The following PIGN variants were observed in gnomAD, a reference collection of about 807,000 sequenced individuals.
The protein encoded by PIGN is phosphatidylinositol glycan anchor biosynthesis class N, also known as GPI ethanolamine phosphate transferase 1.
Under a neutral mutation model 125.4 loss-of-function variants are expected in PIGN, and 117 were observed. The observed-to-expected ratio is 0.93, with a 90% CI of 0.80 to 1.09. PIGN has a LOEUF of 1.09. PIGN is among the 50% of genes least tolerant of loss of function. The probability of loss-of-function intolerance (pLI) is 0.00; values close to 1 mark genes in which losing one functional copy is unlikely to be tolerated. For missense variants in PIGN, 1,075 were observed against 1,094.9 expected, an observed-to-expected ratio of 0.98 and a Z score of 0.26; for synonymous variants, 392 against 377.8, an observed-to-expected ratio of 1.04 and a Z score of -0.44.
Position 62,148,326 on chromosome 18 carries a change from G to T in PIGN, c.562C>A (p.His188Asn), listed in dbSNP as rs773629540. Reference protein sequence around the residue: ...VFDNVKDFFHHARNNQSLFSK... With the variant: ...VFDNVKDFFHNARNNQSLFSK... Reference sequence around the variant, plus strand: ...AACAAAGACTGGTTGTTTCTGGCATGATGAAAGAAGTCCTACATATAACAA... The same window carrying T: ...AACAAAGACTGGTTGTTTCTGGCATTATGAAAGAAGTCCTACATATAACAA... The change falls in exon 8 of 31, where the codon CAT (histidine) becomes AAT (asparagine). Residue 188 changes from histidine to asparagine, a missense_variant. Physicochemically the swap from His to Asn is moderately conservative, Grantham distance 68 (BLOSUM62 1). Around this residue, in one of 3 missense-constraint regions of PIGN, gnomAD observed 915 missense variants for 908.7 expected, o/e 1.01. Coordinates refer to ENST00000640252, the MANE Select transcript of PIGN (RefSeq NM_176787.5). The T allele has an allele frequency of 6.6e-7, 1 of 1,513,328 alleles. No individual in the cohort carries two copies. Among genetic ancestry groups the T allele is most frequent in the Non-Finnish European group, 8.9e-7 (1 of 1,125,072 alleles). 93.7% of individuals were successfully genotyped at this position (1,513,328 alleles called of 1,614,324 possible). A position where few individuals can be genotyped will look rare whatever the true frequency, so the allele number is the denominator to read the frequency against.
intron 7 of PIGN, among the ~76,000 whole-genome samples, chr18:62,152,214 T>G (rs1301726392): frequency 6.6e-6 from 1 of 152,268 alleles, no homozygotes; most frequent in East Asian, 1.9e-4. Flanking sequence ...GATAAGAGAT[T>G]GTGGAATCCA....
chr18:62,094,173 T>C (rs1428224698), intron 23 of PIGN, among the ~76,000 whole-genome samples: 2 of 152,172 alleles, frequency 1.3e-5, no homozygotes, highest in South Asian at 2.1e-4. Context: ...TAACTAATGC[T>C]ACATTATGAA....
intron 30 of PIGN, among the ~76,000 whole-genome samples, chr18:62,054,116 G>C (rs1392790670): frequency 1.3e-5 from 2 of 152,142 alleles, no homozygotes; most frequent in African/African-American, 2.4e-5. Flanking sequence ...CGGGGAAGCA[G>C]ACCCATGCAA....
At chr18:62,106,667 A>G in intron 19 of PIGN, 122 bp downstream of exon 19, 1 of 654,362 alleles carries the variant, frequency 1.5e-6, no homozygotes, top group Non-Finnish European at 2.7e-6. Flanking sequence ...CAATATGACT[A>G]GGCTCTTTTA....
At chr18:62,072,324 G>T in intron 30 of PIGN, 1 of 170,024 alleles carries the variant, frequency 5.9e-6, no homozygotes, top group Non-Finnish European at 1.2e-5. Context: ...GACTCACCCA[G>T]AACAACTTCC....
chr18:62,068,154 T>A (rs1247172452), intron 30 of PIGN, among the ~76,000 whole-genome samples: 1 of 152,164 alleles, frequency 6.6e-6, no homozygotes, highest in Non-Finnish European at 1.5e-5. Context: ...GTTTTCTACT[T>A]GGAATAAAAT....
intron 23 of PIGN, among the ~76,000 whole-genome samples, chr18:62,021,233 C>G (rs1351796654): frequency 6.6e-6 from 1 of 152,134 alleles, no homozygotes; most frequent in Non-Finnish European, 1.5e-5. Flanking sequence ...TAAAAACCGC[C>G]AAACAGAGAA....
chr18:62,116,600 T>C (rs1289466801), intron 14 of PIGN, among the ~76,000 whole-genome samples: 1 of 152,248 alleles, frequency 6.6e-6, no homozygotes, highest in Non-Finnish European at 1.5e-5. Context: ...TCACTTCACA[T>C]CATTAGCACT....
At chr18:62,140,148 A>G (rs1414041372) in intron 12 of PIGN, among the ~76,000 whole-genome samples, 4 of 152,154 alleles carry the variant, frequency 2.6e-5, no homozygotes, top group Non-Finnish European at 4.4e-5. Flanking sequence ...TTGCATATTT[A>G]GAAATAAATA....
chr18:62,097,972 G>A (rs1418714933), intron 22 of PIGN, among the ~76,000 whole-genome samples: 2 of 152,186 alleles, frequency 1.3e-5, no homozygotes, highest in Non-Finnish European at 2.9e-5. Flanking sequence ...AGATAGACAA[G>A]TTGGGATGAA....
intron 28 of PIGN, chr18:62,075,624 C>T (rs963765943): frequency 6.6e-6 from 1 of 152,160 alleles, no homozygotes; most frequent in African/African-American, 2.4e-5. Context: ...CTACTTGTGG[C>T]TATTGTTCCA....
intron 23 of PIGN, among the ~76,000 whole-genome samples, chr18:62,023,656 GC>G (rs2030080894): frequency 6.6e-6 from 1 of 152,132 alleles, no homozygotes; most frequent in Non-Finnish European, 1.5e-5. Flanking sequence ...CCACTTTTGG[GC>G]TTTTTTGCTG....
intron 30 of PIGN, among the ~76,000 whole-genome samples, chr18:62,071,254 G>A (rs375988319): frequency 6.6e-6 from 1 of 152,172 alleles, no homozygotes; most frequent in African/African-American, 2.4e-5. Context: ...AAACAGAGAT[G>A]AGAGATTAAG....
At chr18:62,149,222 A>G (rs571744614) in intron 7 of PIGN, among the ~76,000 whole-genome samples, 3 of 152,346 alleles carry the variant, frequency 2.0e-5, no homozygotes, top group Admixed American at 2.0e-4. Context: ...CTATGTTAAA[A>G]AACACAAATG....
chr18:62,158,011 T>C (rs1342168406), intron 4 of PIGN: 2 of 492,872 alleles, frequency 4.1e-6, no homozygotes, highest in Non-Finnish European at 7.3e-6. Flanking sequence ...AATTTGCTGA[T>C]GTAAGACCAA....
chr18:62,181,271 C>T (rs184179916), intron 1 of PIGN, among the ~76,000 whole-genome samples: 1 of 152,096 alleles, frequency 6.6e-6, no homozygotes, highest in African/African-American at 2.4e-5. Context: ...AAGGATACAT[C>T]TCATAAATAT....
chr18:62,125,293 AT>A (rs2035493445), intron 14 of PIGN, among the ~76,000 whole-genome samples: 1 of 151,782 alleles, frequency 6.6e-6, no homozygotes, highest in Non-Finnish European at 1.5e-5. Flanking sequence ...CGAATTTTTA[AT>A]GTAGTTGTAA....
chr18:62,111,236 G>A (rs1374518174), intron 16 of PIGN, among the ~76,000 whole-genome samples: 5 of 151,950 alleles, frequency 3.3e-5, no homozygotes, highest in Non-Finnish European at 5.9e-5. Flanking sequence ...CAAATTTAGG[G>A]TAGTGTTAAG....
At chr18:62,168,645 T>C (rs1483771178) in intron 1 of PIGN, among the ~76,000 whole-genome samples, 1 of 152,194 alleles carries the variant, frequency 6.6e-6, no homozygotes, top group East Asian at 1.9e-4. Context: ...ATCAATGTAA[T>C]ATTTAATCTA....
Sources: allele counts gnomAD v4.1 joint callset (sites outside exome capture counted in the v4.1 genomes callset), GRCh38; gene constraint gnomAD v4.1.1; regional missense constraint gnomAD v4.1.1; transcripts MANE v1.5; gene names NCBI Gene and HGNC (gene_info 2026-07-23, HGNC 2026-07-21).